APOLD1: variants seen among roughly 807,000 people sequenced by gnomAD.
APOLD1 encodes the protein apolipoprotein L domain-containing protein 1.
Under a neutral mutation model 15.3 loss-of-function variants are expected in APOLD1, and 22 were observed. The ratio of observed to expected loss-of-function variants is 1.44; its 90% CI spans 1.03 to 2.05. The LOEUF (loss-of-function observed/expected upper bound fraction) is 2.05. APOLD1 is among the 30% of genes most tolerant of loss of function. The probability of loss-of-function intolerance (pLI) is 0.00; values close to 1 mark genes in which losing one functional copy is unlikely to be tolerated. For synonymous variants in APOLD1, 190 were observed against 167.4 expected, an observed-to-expected ratio of 1.13 and a Z score of -1.04; for missense variants, 394 against 353.5, an observed-to-expected ratio of 1.11 and a Z score of -0.92.
intron 1 of APOLD1, among the ~76,000 whole-genome samples, chr12:12,772,292 AGATACACC>A (rs1333778591): frequency 6.6e-6 from 1 of 152,212 alleles, no homozygotes; most frequent in Non-Finnish European, 1.5e-5. Context: ...GGGTAGAGAA[AGATACACC>A]CTGACAACAC....
chr12:12,726,161 A>AAG, intron 1 of APOLD1: 1 of 816,868 alleles, frequency 1.2e-6, no homozygotes. Context: ...GCAACCAAAA[A>AAG]AAAAAAAAAA....
At chr12:12,781,653 G>A (rs1180704140), upstream of APOLD1, among the ~76,000 whole-genome samples, 1 of 147,488 alleles carries the variant, frequency 6.8e-6, no homozygotes, top group Non-Finnish European at 1.5e-5. Context: ...TCAGCCTCCC[G>A]AATAGCTGGG....
intron 1 of APOLD1, among the ~76,000 whole-genome samples, chr12:12,758,788 A>G (rs775726261): frequency 1.3e-5 from 2 of 152,186 alleles, no homozygotes; most frequent in Non-Finnish European, 2.9e-5. Flanking sequence ...AGTCATTCTT[A>G]ACCACAGATC....
At chr12:12,744,245 G>T (rs977666068) in intron 1 of APOLD1, among the ~76,000 whole-genome samples, 7 of 151,294 alleles carry the variant, frequency 4.6e-5, no homozygotes, top group Admixed American at 4.0e-4. Context: ...GGAGATCAAG[G>T]CTGCAGTGAG....
chr12:12,735,930 G>A (rs1185434012), intron 1 of APOLD1, among the ~76,000 whole-genome samples: 1 of 152,112 alleles, frequency 6.6e-6, no homozygotes, highest in African/African-American at 2.4e-5. Flanking sequence ...CTGGGTGACA[G>A]AGTGAGATCT....
chr12:12,762,717 G>T (rs997698405), intron 1 of APOLD1, among the ~76,000 whole-genome samples: 2 of 152,010 alleles, frequency 1.3e-5, no homozygotes, highest in Non-Finnish European at 1.5e-5. Flanking sequence ...AGTGACCTTT[G>T]ATTGGCTGAA....
intron 1 of APOLD1, among the ~76,000 whole-genome samples, chr12:12,776,370 A>T (rs1243303242): frequency 6.6e-6 from 1 of 152,248 alleles, no homozygotes; most frequent in Non-Finnish European, 1.5e-5. Context: ...ATAATGACTA[A>T]GCCTGAGAAA....
intron 1 of APOLD1, among the ~76,000 whole-genome samples, chr12:12,779,815 C>T (rs1947065417): frequency 6.6e-6 from 1 of 152,118 alleles, no homozygotes; most frequent in Admixed American, 6.5e-5. Context: ...GAAAAAAGAA[C>T]ACAGGCTAGT....
At chr12:12,763,774 C>A (rs1258778347) in intron 1 of APOLD1, among the ~76,000 whole-genome samples, 1 of 152,044 alleles carries the variant, frequency 6.6e-6, no homozygotes, top group Non-Finnish European at 1.5e-5. Flanking sequence ...TACTTTAAAT[C>A]ATCTCTAGAT....
intron 1 of APOLD1, among the ~76,000 whole-genome samples, chr12:12,778,090 A>AT (rs915500069): frequency 2.7e-5 from 4 of 150,460 alleles, no homozygotes; most frequent in Non-Finnish European, 5.9e-5. Flanking sequence ...ACACCTGGCT[A>AT]TTTTTTTTAT....
At chr12:12,735,448 G>C (rs1946677082) in intron 1 of APOLD1, among the ~76,000 whole-genome samples, 1 of 152,108 alleles carries the variant, frequency 6.6e-6, no homozygotes, top group African/African-American at 2.4e-5. Context: ...AGGAAGGAGA[G>C]TGAGCCAAGC....
chr12:12,774,355 G>A lies in APOLD1; in HGVS notation c.97-12554G>A, dbSNP rs569608387. The stretch of plus-strand genomic sequence containing the variant: ...GGGTCAGGAGTTTGAGACCAGCCTG[G>A]CCAACATGGTGAAACCCCGTCTCTA... On this transcript the variant is annotated intron_variant, in intron 1 of 1. Coordinates refer to the APOLD1 transcript ENST00000326765. Among the ~76,000 whole-genome samples the A allele has an allele frequency of 1.9e-4, 29 of 151,796 alleles. No individual in the cohort carries two copies. In the South Asian group the frequency reaches 5.8e-3, roughly 31 times the overall value.
upstream of APOLD1, among the ~76,000 whole-genome samples, chr12:12,781,718 G>A (rs185877941): frequency 7.2e-4 from 108 of 150,976 alleles, no homozygotes; most frequent in African/African-American, 2.5e-3. Context: ...TGGTAGAGAC[G>A]GGGTTTCACC....
rs1946986719 is a variant in APOLD1 at position 12,771,508 on chromosome 12, T to C, written c.97-15401T>C. The C allele has an allele frequency of 5.9e-6, 3 of 505,070 alleles. No individual in the cohort carries two copies. The Admixed American group carries it at 6.4e-5, about 11-fold the overall frequency. 31.3% of individuals were successfully genotyped at this position (505,070 alleles called of 1,614,324 possible). A position where few individuals can be genotyped will look rare whatever the true frequency, so the allele number is the denominator to read the frequency against. On this transcript the variant is annotated intron_variant, in intron 1 of 1. Coordinates refer to the APOLD1 transcript ENST00000326765. The stretch of plus-strand genomic sequence containing the variant: ...GTGTTTTCCAGCAAATTGGCAGAGA[T>C]GTTAATTATCTCATTTTGTCCATCC...
At chr12:12,736,388 A>T in intron 1 of APOLD1, among the ~76,000 whole-genome samples, 1 of 148,548 alleles carries the variant, frequency 6.7e-6, no homozygotes, top group Non-Finnish European at 1.5e-5. Flanking sequence ...CTAGCTGGGC[A>T]TGGTGGTGTG....
chr12:12,783,688 C>T (rs1175406678), upstream of APOLD1, among the ~76,000 whole-genome samples: 2 of 146,008 alleles, frequency 1.4e-5, no homozygotes, highest in African/African-American at 2.6e-5. Context: ...GGCTGTGTTG[C>T]AGTGGTACCA....
intron 1 of APOLD1, among the ~76,000 whole-genome samples, chr12:12,757,315 G>C (rs1946864013): frequency 6.6e-6 from 1 of 152,034 alleles, no homozygotes; most frequent in South Asian, 2.1e-4. Flanking sequence ...CCTGCCTCTG[G>C]GGGTATCGGC....
upstream of APOLD1, among the ~76,000 whole-genome samples, chr12:12,781,743 G>A (rs1310659429): frequency 6.6e-6 from 1 of 151,160 alleles, no homozygotes; most frequent in East Asian, 2.1e-4. Context: ...TAGCCAGAAT[G>A]GTCTCGACCT....
intron 1 of APOLD1, among the ~76,000 whole-genome samples, chr12:12,768,027 T>C (rs1395808647): frequency 6.6e-6 from 1 of 152,128 alleles, no homozygotes; most frequent in East Asian, 1.9e-4. Context: ...CCTCGGGATC[T>C]GCCTGCCTCG....
Sources: allele counts gnomAD v4.1 joint callset (sites outside exome capture counted in the v4.1 genomes callset), GRCh38; gene constraint gnomAD v4.1.1; transcripts MANE v1.5; gene names NCBI Gene and HGNC (gene_info 2026-07-23, HGNC 2026-07-21).